The following POLK variants were observed in gnomAD, a reference collection of about 807,000 sequenced individuals.
POLK encodes the protein DNA polymerase kappa.
POLK carries 76 observed loss-of-function variants against 94.0 expected under a neutral mutation model. The ratio of observed to expected loss-of-function variants is 0.81; its 90% CI spans 0.67 to 0.98. POLK has a LOEUF of 0.98. Among genes scored for constraint, POLK ranks in the 50% least tolerant of loss-of-function variants. The pLI, the probability that POLK is intolerant of heterozygous loss-of-function variation, is 0.00. For synonymous variants in POLK, 349 were observed against 325.4 expected, an observed-to-expected ratio of 1.07 and a Z score of -0.78; for missense variants, 954 against 1,010.1, an observed-to-expected ratio of 0.94 and a Z score of 0.75.
chr5:75,515,226 C>T (rs1050229389), intron 1 of POLK, among the ~76,000 whole-genome samples: 13 of 152,142 alleles, frequency 8.5e-5, no homozygotes, highest in Admixed American at 4.6e-4. Flanking sequence ...TTGTCATTTA[C>T]TATCATTTTA....
downstream of POLK, among the ~76,000 whole-genome samples, chr5:75,603,067 G>T (rs1773332793): frequency 6.6e-6 from 1 of 152,192 alleles, no homozygotes; most frequent in Admixed American, 6.5e-5. Context: ...AGTGGTTATA[G>T]GCATATATGT....
intron 1 of POLK, among the ~76,000 whole-genome samples, chr5:75,534,566 G>T (rs912490402): frequency 2.1e-4 from 32 of 152,244 alleles, no homozygotes; most frequent in African/African-American, 7.7e-4. Context: ...TCAGTGGGGT[G>T]TTACAATCTC....
At chr5:75,596,917 C>G in exon 13 of POLK, 1 of 1,613,288 alleles carries the variant, frequency 6.2e-7, no homozygotes, top group South Asian at 1.1e-5. Context: ...TGAACACTGT[C>G]ATCAGAATTC....
At chr5:75,596,681 A>G in exon 13 of POLK, 29 of 1,613,982 alleles carry the variant, frequency 1.8e-5, no homozygotes, top group Middle Eastern at 1.6e-4. Context: ...TCGTGTTCAC[A>G]TGTTTCTGCT....
chr5:75,555,311 C>T (rs887024285), intron 3 of POLK, among the ~76,000 whole-genome samples: 2 of 151,760 alleles, frequency 1.3e-5, no homozygotes, highest in African/African-American at 4.8e-5. Context: ...ATTCATCCCT[C>T]CCTCCCCCAC....
chr5:75,597,903 C>T, intron 14 of POLK, 31 bp from the exon 15 acceptor site: 1 of 1,228,256 alleles, frequency 8.1e-7, no homozygotes, highest in East Asian at 2.6e-5. Context: ...TCTCTTCCTG[C>T]ATTTTAATTG....
intron 9 of POLK, among the ~76,000 whole-genome samples, chr5:75,585,372 A>T (rs574772529): frequency 6.6e-6 from 1 of 152,340 alleles, no homozygotes; most frequent in African/African-American, 2.4e-5. Flanking sequence ...TGTGTTAGGC[A>T]CTATTCTAGG....
chr5:75,532,536 G>C (rs1208819475), intron 1 of POLK, among the ~76,000 whole-genome samples: 1 of 152,018 alleles, frequency 6.6e-6, no homozygotes, highest in African/African-American at 2.4e-5. Context: ...GAATAGCGCT[G>C]CAATGAACAA....
intron 1 of POLK, among the ~76,000 whole-genome samples, chr5:75,541,824 ATATGGT>A (rs1464707836): frequency 1.3e-5 from 2 of 152,208 alleles, no homozygotes; most frequent in African/African-American, 4.8e-5. Flanking sequence ...AATTGTGGCC[ATATGGT>A]TTCAGTGTAT....
At chr5:75,533,391 T>C (rs1769276514) in intron 1 of POLK, among the ~76,000 whole-genome samples, 1 of 152,236 alleles carries the variant, frequency 6.6e-6, no homozygotes, top group Non-Finnish European at 1.5e-5. Flanking sequence ...TATCAAATGA[T>C]TGTAGGCATG....
At chr5:75,572,640 A>G (rs903738735) in intron 4 of POLK, among the ~76,000 whole-genome samples, 12 of 152,204 alleles carry the variant, frequency 7.9e-5, no homozygotes, top group African/African-American at 2.9e-4. Flanking sequence ...TGGTAGAAAT[A>G]TAAGAAAATC....
At chr5:75,521,715 T>C (rs989169813) in intron 1 of POLK, among the ~76,000 whole-genome samples, 116 of 152,178 alleles carry the variant, frequency 7.6e-4, no homozygotes, top group African/African-American at 2.6e-3. Flanking sequence ...ACTAGTTTGG[T>C]TTTTATTGGA....
At chr5:75,607,891 A>G in the POLK span, among the ~76,000 whole-genome samples, 2 of 152,232 alleles carry the variant, frequency 1.3e-5, no homozygotes, top group Non-Finnish European at 2.9e-5. Context: ...AGGGAGGGCT[A>G]TAATAGATGA....
At chr5:75,536,574 A>G (rs1191124381) in intron 1 of POLK, among the ~76,000 whole-genome samples, 1 of 151,656 alleles carries the variant, frequency 6.6e-6, no homozygotes, top group Non-Finnish European at 1.5e-5. Flanking sequence ...TCTAGCAGGC[A>G]TGGCTCACCT....
intron 8 of POLK, 88 bp from the exon 9 acceptor site, chr5:75,584,671 CA>C (rs35397200): frequency 0.092 from 55,486 of 603,082 alleles, no homozygotes; most frequent in South Asian, 0.14. Context: ...GACTCCATCT[CA>C]AAAAAAAAAA....
At chr5:75,584,223 G>T (rs1346726037) in intron 8 of POLK, among the ~76,000 whole-genome samples, 2 of 152,078 alleles carry the variant, frequency 1.3e-5, no homozygotes, top group African/African-American at 4.8e-5. Context: ...GGAATAAAAA[G>T]TTTCACTTAA....
exon 13 of POLK, chr5:75,596,285 G>A: frequency 6.2e-7 from 1 of 1,613,598 alleles, no homozygotes; most frequent in Non-Finnish European, 8.5e-7. Context: ...AGCATTATTG[G>A]CTTTTTACAG....
intron 6 of POLK, among the ~76,000 whole-genome samples, chr5:75,579,741 G>A (rs1046514905): frequency 1.3e-5 from 2 of 151,920 alleles, no homozygotes; most frequent in Non-Finnish European, 2.9e-5. Context: ...ATCAGCTAAT[G>A]TAAGTTTGAA....
At chr5:75,559,594 T>TG (rs1164094405) in intron 3 of POLK, among the ~76,000 whole-genome samples, 2 of 137,874 alleles carry the variant, frequency 1.5e-5, no homozygotes, top group Non-Finnish European at 3.0e-5. Context: ...AGTGCAGTGG[T>TG]GGTACCATCA....
Sources: allele counts gnomAD v4.1 joint callset (sites outside exome capture counted in the v4.1 genomes callset), GRCh38; gene constraint gnomAD v4.1.1; transcripts MANE v1.5; gene names NCBI Gene and HGNC (gene_info 2026-07-23, HGNC 2026-07-21).